The following TLN2 variants were observed in gnomAD, a reference collection of about 807,000 sequenced individuals.
TLN2 encodes talin 2.
In TLN2, 118 loss-of-function variants were observed where a neutral mutation model predicts 294.7. That is an observed-to-expected ratio of 0.40 (90% CI 0.34 to 0.47). TLN2 has a LOEUF of 0.47. Among genes scored for constraint, TLN2 ranks in the 20% least tolerant of loss-of-function variants. TLN2 has a pLI of 0.84. For missense variants in TLN2, 3,083 were observed against 3,282.2 expected, an observed-to-expected ratio of 0.94 and a Z score of 1.48; for synonymous variants, 1,431 against 1,304.5, an observed-to-expected ratio of 1.10 and a Z score of -2.09.
Position 62,766,308 on chromosome 15 carries a change from C to T in TLN2, c.5095-13C>T. The T allele has an allele frequency of 3.7e-6, 6 of 1,607,360 alleles. No individual in the cohort carries two copies. The highest frequency in any genetic ancestry group is 3.4e-6 in the Non-Finnish European group (4 of 1,174,514). On this transcript the variant is annotated splice_polypyrimidine_tract_variant and intron_variant, in intron 40 of 58. Coordinates refer to ENST00000636159, the MANE Select transcript of TLN2 (RefSeq NM_015059.3). ...CTGTTATGGGATGAACTTGACACTTCTCTCCTTATCAGGCCCTGCAGGAGC... is the reference window on the plus strand; with the variant it reads ...CTGTTATGGGATGAACTTGACACTTTTCTCCTTATCAGGCCCTGCAGGAGC...
In TLN2 at chr15:62,766,380, C is replaced by A. The variant is rs139364010; in HGVS notation, c.5154C>A (p.Ile1718=). The part of the protein sequence containing the change: ...VQEIGHLIDP[I]ATAARGEAAQ... ...AAATCGGACACCTTATCGATCCCAT[C>A]GCCACAGCGGCTCGGGGAGAAGCAG... is the stretch of plus-strand genomic sequence containing the variant. The change falls in exon 41 of 59, where the codon ATC becomes ATA. Residue 1718 remains isoleucine, a synonymous_variant. Coordinates refer to ENST00000636159, the MANE Select transcript of TLN2 (RefSeq NM_015059.3). 20 of 1,612,820 alleles carry A rather than the reference C, an allele frequency of 1.2e-5. No homozygotes were observed. The highest frequency in any genetic ancestry group is 1.5e-5 in the Non-Finnish European group (18 of 1,179,006).
chr15:62,508,688 A>G (rs976695786), intron 1 of TLN2, among the ~76,000 whole-genome samples: 1 of 152,258 alleles, frequency 6.6e-6, no homozygotes, highest in African/African-American at 2.4e-5. Flanking sequence ...TAAATTTTTC[A>G]TAACTTAGGT....
intron 6 of TLN2, among the ~76,000 whole-genome samples, chr15:62,652,705 T>G (rs1181475145): frequency 6.6e-6 from 1 of 152,164 alleles, no homozygotes; most frequent in African/African-American, 2.4e-5. Flanking sequence ...TCCCAAAAAT[T>G]ATTATAGATG....
At chr15:62,402,081 A>G (rs1042821036) in intron 1 of TLN2, among the ~76,000 whole-genome samples, 1 of 152,192 alleles carries the variant, frequency 6.6e-6, no homozygotes, top group African/African-American at 2.4e-5. Context: ...TTTAACCCCA[A>G]GCCATAGGAG....
Position 62,702,214 on chromosome 15 carries a change from G to T in TLN2, c.1905+14G>T, listed in dbSNP as rs2058758721. 4.5e-6 allele frequency: 7 copies of T among 1,570,240 alleles called. No homozygotes were observed. The South Asian group carries it at 8.0e-5, about 18-fold the overall frequency. On this transcript the variant is annotated intron_variant, in intron 18 of 58. Transcript: ENST00000636159. Reference sequence around the variant, plus strand: ...ACTTCTGGAGAGGTAAGCTCCAGAGGCAAGCAATCACTCAGGTTCTGATGG... The same window carrying T: ...ACTTCTGGAGAGGTAAGCTCCAGAGTCAAGCAATCACTCAGGTTCTGATGG...
intron 12 of TLN2, chr15:62,687,711 GAAAA>G (rs776379667): frequency 6.6e-6 from 1 of 151,722 alleles, no homozygotes; most frequent in East Asian, 1.9e-4. Flanking sequence ...TAGGACATCA[GAAAA>G]AAAACTGTGT....
chr15:62,664,078 C>A, intron 9 of TLN2, among the ~76,000 whole-genome samples: 2 of 151,852 alleles, frequency 1.3e-5, no homozygotes, highest in South Asian at 4.2e-4. Context: ...TATAGTAATT[C>A]AAAAGATTGA....
intron 37 of TLN2, among the ~76,000 whole-genome samples, chr15:62,760,165 G>T (rs1187363933): frequency 6.6e-6 from 1 of 152,200 alleles, no homozygotes; most frequent in Non-Finnish European, 1.5e-5. Context: ...TAGGGTCAGG[G>T]CCTGTCTGGT....
At chr15:62,455,125 T>C (rs1209292000) in intron 1 of TLN2, among the ~76,000 whole-genome samples, 1 of 152,158 alleles carries the variant, frequency 6.6e-6, no homozygotes, top group Admixed American at 6.5e-5. Context: ...TTGTATTCAA[T>C]GGACTCCTCC....
At chr15:62,697,362 G>T (rs1210638972) in intron 14 of TLN2, among the ~76,000 whole-genome samples, 1 of 152,142 alleles carries the variant, frequency 6.6e-6, no homozygotes, top group African/African-American at 2.4e-5. Context: ...TTCCCATTTG[G>T]CCTCCAAAAG....
At chr15:62,498,169 A>AG (rs907592859) in intron 1 of TLN2, among the ~76,000 whole-genome samples, 3 of 149,564 alleles carry the variant, frequency 2.0e-5, no homozygotes, top group Non-Finnish European at 4.4e-5. Context: ...AAAAAAAAAA[A>AG]AAAAAGAAAA....
chr15:62,395,088 C>T (rs1307960875), intron 1 of TLN2, among the ~76,000 whole-genome samples: 5 of 152,048 alleles, frequency 3.3e-5, no homozygotes, highest in African/African-American at 1.2e-4. Context: ...CTGTTATTCA[C>T]TCATTCAGTG....
intron 32 of TLN2, among the ~76,000 whole-genome samples, chr15:62,743,247 G>A (rs1317413205): frequency 7.9e-5 from 12 of 152,042 alleles, no homozygotes; most frequent in Admixed American, 7.9e-4. Context: ...GGTCCTGCCT[G>A]TCCTTCCTGT....
chr15:62,570,720 T>TACCCACTATGCCAGTAGCACTCGGCCCCA (rs2043796492), intron 1 of TLN2, among the ~76,000 whole-genome samples: 1 of 152,232 alleles, frequency 6.6e-6, no homozygotes, highest in African/African-American at 2.4e-5. Flanking sequence ...CCTCGGCCTC[T>TACCCACTATGCCAGTAGCACTCGGCCCCA]ACCCACTATG....
chr15:62,536,652 A>G (rs1314864407), intron 1 of TLN2, among the ~76,000 whole-genome samples: 2 of 152,172 alleles, frequency 1.3e-5, no homozygotes, highest in South Asian at 2.1e-4. Flanking sequence ...GCGATGTGAT[A>G]TCATCTGTGG....
intron 2 of TLN2, among the ~76,000 whole-genome samples, chr15:62,604,124 T>C (rs2047218703): frequency 6.6e-6 from 1 of 152,174 alleles, no homozygotes; most frequent in African/African-American, 2.4e-5. Flanking sequence ...TTTAAAATTA[T>C]AAAAACCATT....
At chr15:62,800,312 A>T in intron 48 of TLN2, 56 bp from the exon 49 acceptor site, 1 of 1,585,882 alleles carries the variant, frequency 6.3e-7, no homozygotes, top group Non-Finnish European at 8.6e-7. Flanking sequence ...TGCCTTGGTA[A>T]AGCCCACAGC....
chr15:62,484,539 C>T (rs1249768799), intron 1 of TLN2, among the ~76,000 whole-genome samples: 1 of 152,094 alleles, frequency 6.6e-6, no homozygotes, highest in Non-Finnish European at 1.5e-5. Flanking sequence ...GATTCTCCTG[C>T]CTCAGCCTCC....
chr15:62,692,706 T>A, intron 12 of TLN2, 134 bp from the exon 13 acceptor site: 1 of 646,976 alleles, frequency 1.5e-6, no homozygotes, highest in Non-Finnish European at 2.7e-6. Flanking sequence ...AATTTTAGGA[T>A]ATTCATTTGT....
Sources: allele counts gnomAD v4.1 joint callset (sites outside exome capture counted in the v4.1 genomes callset), GRCh38; gene constraint gnomAD v4.1.1; transcripts MANE v1.5; gene names NCBI Gene and HGNC (gene_info 2026-07-23, HGNC 2026-07-21).